Variants in SPMIP9 observed in about 807,000 individuals in gnomAD.
SPMIP9 encodes protein SPMIP9.
the SPMIP9 span, among the ~76,000 whole-genome samples, chr2:88,525,837 G>C: frequency 6.7e-6 from 1 of 150,196 alleles, no homozygotes; most frequent in Non-Finnish European, 1.5e-5. Context: ...AGAGAACTGA[G>C]TTTTCTTCTT....
chr2:88,525,554 G>A, the SPMIP9 span: 1 of 1,510,574 alleles, frequency 6.6e-7, no homozygotes, highest in Non-Finnish European at 9.2e-7. Context: ...GGGCAGCCAT[G>A]CTTGGTTGGC....
chr2:88,529,427 G>A, the SPMIP9 span: 2 of 1,613,924 alleles, frequency 1.2e-6, no homozygotes, highest in South Asian at 2.2e-5. Flanking sequence ...TATAGTCAAG[G>A]TCCCCATCTT....
the SPMIP9 span, among the ~76,000 whole-genome samples, chr2:88,526,666 AT>A: frequency 0.18 from 27,016 of 149,546 alleles, 2,580 homozygotes; most frequent in Middle Eastern, 0.37. Context: ...ATGTGTGTGT[AT>A]TTTTTTTTTC....
chr2:88,525,256 A>G, the SPMIP9 span, among the ~76,000 whole-genome samples: 5 of 152,208 alleles, frequency 3.3e-5, no homozygotes, highest in Non-Finnish European at 7.3e-5. Context: ...TGATAGGAGC[A>G]TTTACACCAC....
At chr2:88,527,434 ACT>A in the SPMIP9 span, among the ~76,000 whole-genome samples, 1 of 149,372 alleles carries the variant, frequency 6.7e-6, no homozygotes, top group South Asian at 2.2e-4. Context: ...GTGGGGCGAG[ACT>A]CTATCCCCCC....
the SPMIP9 span, chr2:88,529,468 C>G: frequency 1.2e-6 from 2 of 1,610,548 alleles, no homozygotes; most frequent in Admixed American, 3.3e-5. Flanking sequence ...TGCCATTTTA[C>G]CAGTAGGAAG....
the SPMIP9 span, chr2:88,525,686 T>G: frequency 2.3e-3 from 3,751 of 1,613,970 alleles, 7 homozygotes; most frequent in South Asian, 4.1e-3. Context: ...GTGATGTGGG[T>G]TTCTGTCCCC....
the SPMIP9 span, chr2:88,525,591 C>T: frequency 2.5e-6 from 4 of 1,612,672 alleles, no homozygotes; most frequent in African/African-American, 1.3e-5. Context: ...GGCTACTTTC[C>T]TTGTCTGTGG....
At chr2:88,525,247 G>A in the SPMIP9 span, among the ~76,000 whole-genome samples, 3 of 152,214 alleles carry the variant, frequency 2.0e-5, no homozygotes, top group Admixed American at 2.0e-4. Flanking sequence ...AATGAGCCAT[G>A]ATAGGAGCAT....
chr2:88,528,574 C>CGATA, the SPMIP9 span, among the ~76,000 whole-genome samples: 15 of 152,280 alleles, frequency 9.9e-5, no homozygotes, highest in East Asian at 2.9e-3. Flanking sequence ...TTTCCTTTAT[C>CGATA]ATTTTCTCTT....
chr2:88,526,502 G>A, the SPMIP9 span: 2 of 1,611,172 alleles, frequency 1.2e-6, no homozygotes, highest in Admixed American at 3.3e-5. Flanking sequence ...CAAGAGGTAG[G>A]AAGGCACGCA....
the SPMIP9 span, chr2:88,526,593 T>C: frequency 2.0e-5 from 18 of 922,044 alleles, no homozygotes; most frequent in Middle Eastern, 2.1e-4. Context: ...TTTGGGCCCT[T>C]GTTAGAACAA....
At chr2:88,528,746 TATACAC>T in the SPMIP9 span, among the ~76,000 whole-genome samples, 151 of 152,348 alleles carry the variant, frequency 9.9e-4, no homozygotes, top group African/African-American at 3.5e-3. Context: ...GGGAAGAAGA[TATACAC>T]ATACATGTTT....
chr2:88,529,065 A>AGTT, the SPMIP9 span: 1 of 1,612,086 alleles, frequency 6.2e-7, no homozygotes, highest in Non-Finnish European at 8.5e-7. Context: ...GCAAAGCTCG[A>AGTT]TGCTCAACTC....
At chr2:88,529,139 G>A in the SPMIP9 span, 1 of 1,614,166 alleles carries the variant, frequency 6.2e-7, no homozygotes, top group Admixed American at 1.7e-5. Flanking sequence ...TGGGTACCCT[G>A]CTTTCAAAAG....
the SPMIP9 span, chr2:88,529,441 C>T: frequency 2.9e-5 from 47 of 1,613,370 alleles, no homozygotes; most frequent in Admixed American, 2.2e-4. Context: ...CCATCTTGAA[C>T]CGGTGGGGAC....
the SPMIP9 span, chr2:88,525,758 A>G: frequency 7.3e-7 from 1 of 1,373,678 alleles, no homozygotes. Flanking sequence ...CTCTTTCTAG[A>G]AGCTCATCTT....
At chr2:88,529,014 C>A in the SPMIP9 span, 1 of 1,579,288 alleles carries the variant, frequency 6.3e-7, no homozygotes, top group Non-Finnish European at 8.6e-7. Flanking sequence ...TCTCTTGTCT[C>A]TCTCACCCCT....
chr2:88,528,650 CA>C, the SPMIP9 span, among the ~76,000 whole-genome samples: 1 of 152,206 alleles, frequency 6.6e-6, no homozygotes, highest in Non-Finnish European at 1.5e-5. Flanking sequence ...TCTAAACAAA[CA>C]AAGATGGATC....
Sources: gnomAD v4.1 joint callset for allele counts (sites outside exome capture counted in the v4.1 genomes callset) on GRCh38, gnomAD v4.1.1 for gene constraint, MANE v1.5 for transcripts, NCBI Gene and HGNC (gene_info 2026-07-23, HGNC 2026-07-21) for gene names.